PELI1: variants seen among roughly 807,000 people sequenced by gnomAD.
The protein encoded by PELI1 is E3 ubiquitin-protein ligase pellino homolog 1.
In PELI1, 15 loss-of-function variants were observed where a neutral mutation model predicts 41.3. The observed-to-expected ratio is 0.36, with a 90% CI of 0.24 to 0.56. The LOEUF (loss-of-function observed/expected upper bound fraction) is 0.56, where lower values mean the gene tolerates loss of function less well. Ranked by LOEUF, PELI1 falls within the 20% of genes least tolerant of loss-of-function variation. The pLI, the probability that PELI1 is intolerant of heterozygous loss-of-function variation, is 0.82. For missense variants in PELI1, 403 were observed against 525.5 expected, an observed-to-expected ratio of 0.77 and a Z score of 2.28; for synonymous variants, 178 against 180.1, an observed-to-expected ratio of 0.99 and a Z score of 0.09.
At chr2:64,129,818 G>A (rs1023892773) in intron 1 of PELI1, among the ~76,000 whole-genome samples, 1 of 152,084 alleles carries the variant, frequency 6.6e-6, no homozygotes, top group Non-Finnish European at 1.5e-5. Context: ...GTCTACAATT[G>A]CTTGTATTGA....
intron 4 of PELI1, among the ~76,000 whole-genome samples, chr2:64,098,250 A>T (rs1476546491): frequency 6.6e-6 from 1 of 152,368 alleles, no homozygotes; most frequent in African/African-American, 2.4e-5. Context: ...TTAAAAATAC[A>T]GCTCTTTTGT....
chr2:64,134,267 A>C (rs1558487538), intron 1 of PELI1, among the ~76,000 whole-genome samples: 1 of 152,140 alleles, frequency 6.6e-6, no homozygotes, highest in African/African-American at 2.4e-5. Flanking sequence ...ACACAACCAA[A>C]AGGCTTTAGC....
chr2:64,117,155 C>A (rs1558480499), intron 1 of PELI1, among the ~76,000 whole-genome samples: 1 of 152,086 alleles, frequency 6.6e-6, no homozygotes, highest in Admixed American at 6.6e-5. Context: ...CTACAGTGGC[C>A]TCTAACTGTT....
At position 64,108,318 on chromosome 2, in the gene PELI1, G is replaced by A. The variant is rs1232570127; in HGVS notation, c.-8C>T. The A allele has an allele frequency of 6.3e-7, 1 of 1,588,334 alleles. No homozygotes were observed. Among genetic ancestry groups the A allele is most frequent in the Non-Finnish European group, 8.6e-7 (1 of 1,156,750 alleles). ...TTGATCAGGAGAAAACATGAGCTTG[G>A]CTGTCTTTCTCAAATCTTTGTTCAC... On this transcript the variant is annotated 5_prime_UTR_variant, in exon 2 of 7. Coordinates refer to ENST00000358912, the MANE Select transcript of PELI1 (RefSeq NM_020651.4).
chr2:64,129,899 T>C lies in PELI1; in HGVS notation c.-70+14182A>G, dbSNP rs796824437. On this transcript the variant is annotated intron_variant, in intron 1 of 6. Coordinates refer to ENST00000358912, the MANE Select transcript of PELI1 (RefSeq NM_020651.4). ...AAGTAGCACTTTTTAAGGCAATGTA[T>C]GTACTATTAAGTTTTCATGCAAATC... Among the ~76,000 whole-genome samples, 6 of 152,338 alleles carry C rather than the reference T, an allele frequency of 3.9e-5. 1 individual carries two copies. Among genetic ancestry groups the C allele is most frequent in the African/African-American group, 1.4e-4 (6 of 41,580 alleles).
chr2:64,122,587 C>T (rs891919893), intron 1 of PELI1, among the ~76,000 whole-genome samples: 2 of 152,180 alleles, frequency 1.3e-5, no homozygotes, highest in African/African-American at 4.8e-5. Flanking sequence ...GCCACACCCT[C>T]AGCAGGTGCA....
At chr2:64,115,941 C>T (rs1680975754) in intron 1 of PELI1, among the ~76,000 whole-genome samples, 1 of 152,158 alleles carries the variant, frequency 6.6e-6, no homozygotes, top group African/African-American at 2.4e-5. Flanking sequence ...TTGTATTTGT[C>T]AACCATTTCC....
chr2:64,140,800 C>CAAAAAAAAAAAAAAA (rs1356897512), intron 1 of PELI1, among the ~76,000 whole-genome samples: 2 of 100,282 alleles, frequency 2.0e-5, no homozygotes, highest in Non-Finnish European at 1.8e-5. Context: ...AAAAAAAAAA[C>CAAAAAAAAAAAAAAA]AAACAAACAA....
intron 3 of PELI1, chr2:64,104,494 G>A: frequency 3.0e-6 from 2 of 657,370 alleles, no homozygotes; most frequent in Non-Finnish European, 4.4e-6. Context: ...CACTGATCCT[G>A]GTTTGTCATT....
rs1680549978 is a variant in PELI1 at position 64,104,435 on chromosome 2, T to C, written c.201+266A>G. 1.8e-5 allele frequency: 6 copies of C among 329,842 alleles called. No homozygotes were observed. In the South Asian group the frequency reaches 3.5e-4, roughly 19 times the overall value. The allele number at this position is 329,842 out of a possible 1,614,324, so 20.4% of individuals were successfully genotyped here. A position where few individuals can be genotyped will look rare whatever the true frequency, so the allele number is the denominator to read the frequency against. On this transcript the variant is annotated intron_variant, in intron 3 of 6. Transcript: ENST00000358912. ...GTACTAGATAAAGCCCTGTCCCCCA[T>C]CCCACCTCTTTTAATAAGGAAACAG... is the stretch of plus-strand genomic sequence containing the variant.
chr2:64,103,050 C>A (rs1239322040), intron 3 of PELI1, among the ~76,000 whole-genome samples: 1 of 151,824 alleles, frequency 6.6e-6, no homozygotes, highest in Non-Finnish European at 1.5e-5. Flanking sequence ...ACCATGTTGC[C>A]CAGGCTGGTC....
At chr2:64,100,769 T>A (rs1680400815) in intron 3 of PELI1, among the ~76,000 whole-genome samples, 1 of 152,096 alleles carries the variant, frequency 6.6e-6, no homozygotes, top group Non-Finnish European at 1.5e-5. Flanking sequence ...CTCTGTTGCC[T>A]AGGCTGGAGT....
intron 1 of PELI1, among the ~76,000 whole-genome samples, chr2:64,141,140 C>T: frequency 6.6e-6 from 1 of 151,950 alleles, no homozygotes; most frequent in East Asian, 1.9e-4. Flanking sequence ...GAATTTTGTC[C>T]CTTATATATA....
intron 1 of PELI1, among the ~76,000 whole-genome samples, chr2:64,116,938 TTA>T (rs1187659989): frequency 6.6e-6 from 1 of 152,178 alleles, no homozygotes; most frequent in Non-Finnish European, 1.5e-5. Flanking sequence ...ATTGTATCTG[TTA>T]TGGTGGTCTG....
In PELI1 at chr2:64,093,571, A is replaced by G. The variant is rs1680123371; in HGVS notation, c.*1131T>C. On this transcript the variant is annotated 3_prime_UTR_variant, in exon 7 of 7. Coordinates refer to ENST00000358912, the MANE Select transcript of PELI1 (RefSeq NM_020651.4). Reference sequence around the variant, plus strand: ...CTGCAGTCATTGGTGCTCATCTGCCAACCAAACATTTCCTTAAGTCTCACT... The same window carrying G: ...CTGCAGTCATTGGTGCTCATCTGCCGACCAAACATTTCCTTAAGTCTCACT... The G allele has an allele frequency of 6.5e-6, 1 of 152,696 alleles. No individual in the cohort carries two copies. Among genetic ancestry groups the G allele is most frequent in the Non-Finnish European group, 1.5e-5 (1 of 68,060 alleles). The allele number at this position is 152,696 out of a possible 1,614,324, so 9.5% of individuals were successfully genotyped here. A position where few individuals can be genotyped will look rare whatever the true frequency, so the allele number is the denominator to read the frequency against.
intron 4 of PELI1, among the ~76,000 whole-genome samples, chr2:64,099,545 G>A (rs937417040): frequency 1.1e-4 from 16 of 152,130 alleles, no homozygotes; most frequent in African/African-American, 3.6e-4. Flanking sequence ...TCATTAAAAG[G>A]GTTGGGCAGA....
chr2:64,121,284 C>T (rs1681201055), intron 1 of PELI1, among the ~76,000 whole-genome samples: 1 of 152,114 alleles, frequency 6.6e-6, no homozygotes, highest in African/African-American at 2.4e-5. Context: ...AATATTCATA[C>T]TAAATAGAAT....
chr2:64,144,383 C>T lies in PELI1; in HGVS notation c.-372G>A, dbSNP rs371245775. On this transcript the variant is annotated 5_prime_UTR_variant, in exon 1 of 7. Coordinates refer to ENST00000358912, the MANE Select transcript of PELI1 (RefSeq NM_020651.4). The stretch of plus-strand genomic sequence containing the variant: ...CTAGTGGAGGCGGCGGCGGCGCCCC[C>T]CGACGGTCCCTCCGCCTCACACCGC... The T allele has an allele frequency of 1.3e-5, 2 of 152,278 alleles. No individual in the cohort carries two copies. Among genetic ancestry groups the T allele is most frequent in the African/African-American group, 4.8e-5 (2 of 41,412 alleles). The allele number at this position is 152,278 out of a possible 1,614,324, so 9.4% of individuals were successfully genotyped here. A position where few individuals can be genotyped will look rare whatever the true frequency, so the allele number is the denominator to read the frequency against.
chr2:64,094,357 G>T lies in PELI1; in HGVS notation c.*345C>A, dbSNP rs1196736313. Reference sequence around the variant, plus strand: ...TTGCAACAAACTGTAAACTAACATAGTTTGAACCAACAGTACCCTCAGTTA... The same window carrying T: ...TTGCAACAAACTGTAAACTAACATATTTTGAACCAACAGTACCCTCAGTTA... On this transcript the variant is annotated 3_prime_UTR_variant, in exon 7 of 7. Transcript: ENST00000358912. 5.3e-6 allele frequency: 1 copy of T among 190,348 alleles called. No individual in the cohort carries two copies. Among genetic ancestry groups the T allele is most frequent in the Non-Finnish European group, 1.1e-5 (1 of 91,544 alleles). 11.8% of individuals were successfully genotyped at this position (190,348 alleles called of 1,614,324 possible). A position where few individuals can be genotyped will look rare whatever the true frequency, so the allele number is the denominator to read the frequency against.
Sources: allele counts gnomAD v4.1 joint callset (sites outside exome capture counted in the v4.1 genomes callset), GRCh38; gene constraint gnomAD v4.1.1; transcripts MANE v1.5; gene names NCBI Gene and HGNC (gene_info 2026-07-23, HGNC 2026-07-21).